The following NDUFC2 variants were observed in gnomAD, a reference collection of about 807,000 sequenced individuals.
NDUFC2 encodes the protein NADH dehydrogenase [ubiquinone] 1 subunit C2.
A neutral mutation model predicts 10.1 loss-of-function variants in NDUFC2; 2 were observed. The ratio of observed to expected loss-of-function variants is 0.20; its 90% CI spans 0.08 to 0.62. The LOEUF (loss-of-function observed/expected upper bound fraction) is 0.62. Ranked by LOEUF, NDUFC2 falls within the 20% of genes least tolerant of loss-of-function variation. NDUFC2 has a pLI of 0.87. For synonymous variants in NDUFC2, 61 were observed against 63.6 expected, an observed-to-expected ratio of 0.96 and a Z score of 0.20; for missense variants, 156 against 159.6, an observed-to-expected ratio of 0.98 and a Z score of 0.12.
Position 78,079,503 on chromosome 11 carries a change from G to T in NDUFC2, c.166+76C>A, listed in dbSNP as rs1859414390. 3 of 1,503,426 alleles carry T rather than the reference G, an allele frequency of 2.0e-6. No homozygotes were observed. In the South Asian group the frequency reaches 3.8e-5, roughly 19 times the overall value. The allele number at this position is 1,503,426 out of a possible 1,614,324, so 93.1% of individuals were successfully genotyped here. The stretch of plus-strand genomic sequence containing the variant: ...GCACGGAAAAGCAGAGCACCTCAGG[G>T]GGGCCTACGGCCGGGCCAGTCTGCA... On this transcript the variant is annotated intron_variant, in intron 1 of 2. Transcript: ENST00000281031.
intron 2 of NDUFC2, 112 bp downstream of exon 2, chr11:78,072,886 T>C (rs747923425): frequency 1.4e-6 from 2 of 1,417,726 alleles, no homozygotes; most frequent in Non-Finnish European, 1.9e-6. Context: ...TAGACTAAGA[T>C]GTGGGAGTCA....
In NDUFC2 at chr11:78,069,325, A is replaced by G. The variant is rs1858886946; in HGVS notation, c.*662T>C. 1 of 153,126 alleles carries G rather than the reference A, an allele frequency of 6.5e-6. No individual in the cohort carries two copies. The highest frequency in any genetic ancestry group is 2.1e-4 in the South Asian group (1 of 4,854). The allele number at this position is 153,126 out of a possible 1,614,324, so 9.5% of individuals were successfully genotyped here. On this transcript the variant is annotated 3_prime_UTR_variant, in exon 3 of 3. Coordinates refer to ENST00000281031, the MANE Select transcript of NDUFC2 (RefSeq NM_004549.6). ...TTTTCTCCAGGATAACCCACCTAAG[A>G]GCAAAGACAACTTGGCAACATAAGA... is the stretch of plus-strand genomic sequence containing the variant.
intron 2 of NDUFC2, 149 bp downstream of exon 2, chr11:78,072,849 A>G: frequency 7.2e-6 from 8 of 1,118,600 alleles, no homozygotes; most frequent in Non-Finnish European, 8.8e-6. Context: ...GAAACTGGAT[A>G]TATTAATTCA....
At chr11:78,073,482 T>C (rs1318639396) in intron 1 of NDUFC2, among the ~76,000 whole-genome samples, 1 of 147,404 alleles carries the variant, frequency 6.8e-6, no homozygotes, top group Non-Finnish European at 1.5e-5. Context: ...ACAAAGCGCC[T>C]GGCCTGTTAT....
Position 78,069,027 on chromosome 11 carries a change from T to C in NDUFC2, c.*960A>G, listed in dbSNP as rs1166220685. On this transcript the variant is annotated 3_prime_UTR_variant, in exon 3 of 3. Transcript: ENST00000281031. ...CCTCAGCCTTATGAGTAGCTGGGAT[T>C]GCAGGAACGTGCCACCACGCCCAGC... is the stretch of plus-strand genomic sequence containing the variant. The C allele has an allele frequency of 6.6e-6, 1 of 152,020 alleles. No individual in the cohort carries two copies. The highest frequency in any genetic ancestry group is 1.5e-5 in the Non-Finnish European group (1 of 68,028). 9.4% of individuals were successfully genotyped at this position (152,020 alleles called of 1,614,324 possible). A position where few individuals can be genotyped will look rare whatever the true frequency, so the allele number is the denominator to read the frequency against.
At position 78,069,969 on chromosome 11, in the gene NDUFC2, G is replaced by C; in HGVS notation, c.*18C>G. The C allele has an allele frequency of 6.2e-7, 1 of 1,612,546 alleles. No individual in the cohort carries two copies. Among genetic ancestry groups the C allele is most frequent in the Non-Finnish European group, 8.5e-7 (1 of 1,179,214 alleles). On this transcript the variant is annotated 3_prime_UTR_variant, in exon 3 of 3. Transcript: ENST00000281031. ...AACAGCAGGTATCAGTGAAACTGGA[G>C]CAAGCATTTTGAAGACTTCAACGTA...
Position 78,072,721 on chromosome 11 carries a change from G to C in NDUFC2, c.310+277C>G, listed in dbSNP as rs1469736455. On this transcript the variant is annotated intron_variant, in intron 2 of 2. Coordinates refer to ENST00000281031, the MANE Select transcript of NDUFC2 (RefSeq NM_004549.6). ...TTGATGATTCTCAGGCTTCTGGCTT[G>C]AGTGTCCAGGTGGACAGTAGTGCCA... 3 of 500,822 alleles carry C rather than the reference G, an allele frequency of 6.0e-6. No homozygotes were observed. The East Asian group carries it at 9.8e-5, about 16-fold the overall frequency. The allele number at this position is 500,822 out of a possible 1,614,324, so 31.0% of individuals were successfully genotyped here.
chr11:78,075,117 TC>T (rs1859190551), intron 1 of NDUFC2, among the ~76,000 whole-genome samples: 1 of 152,198 alleles, frequency 6.6e-6, no homozygotes, highest in African/African-American at 2.4e-5. Context: ...TTGAAGAACA[TC>T]ATAAATTACT....
At chr11:78,074,306 C>T (rs958264087) in intron 1 of NDUFC2, among the ~76,000 whole-genome samples, 2 of 147,836 alleles carry the variant, frequency 1.4e-5, no homozygotes, top group Non-Finnish European at 3.0e-5. Context: ...TTTACTACCT[C>T]TAAAACATAG....
intron 2 of NDUFC2, among the ~76,000 whole-genome samples, chr11:78,071,540 C>T (rs1565330766): frequency 6.6e-6 from 1 of 152,066 alleles, no homozygotes; most frequent in Non-Finnish European, 1.5e-5. Flanking sequence ...TTTAATAAGG[C>T]TATGTGTGCC....
At chr11:78,070,375 C>T (rs540239235) in intron 2 of NDUFC2, among the ~76,000 whole-genome samples, 1 of 152,204 alleles carries the variant, frequency 6.6e-6, no homozygotes, top group South Asian at 2.1e-4. Flanking sequence ...TGTGCTGGTA[C>T]CCTGATCTTG....
chr11:78,073,385 G>T (rs1204842095), intron 1 of NDUFC2, among the ~76,000 whole-genome samples: 1 of 152,134 alleles, frequency 6.6e-6, no homozygotes, highest in Non-Finnish European at 1.5e-5. Flanking sequence ...TCAGCTACTT[G>T]GGAGGCTGAG....
chr11:78,078,169 T>C (rs1379379977), intron 1 of NDUFC2, among the ~76,000 whole-genome samples: 1 of 152,154 alleles, frequency 6.6e-6, no homozygotes, highest in Non-Finnish European at 1.5e-5. Context: ...GCCTGAGCTT[T>C]TTTCCTGATT....
chr11:78,075,711 A>G (rs1859219746), intron 1 of NDUFC2, among the ~76,000 whole-genome samples: 1 of 152,178 alleles, frequency 6.6e-6, no homozygotes, highest in South Asian at 2.1e-4. Context: ...CAGTCTCCCA[A>G]GTAGCTGGGA....
At chr11:78,079,438 A>G (rs1859410736) in intron 1 of NDUFC2, 141 bp downstream of exon 1, 18 of 1,216,764 alleles carry the variant, frequency 1.5e-5, no homozygotes, top group Non-Finnish European at 1.7e-5. Context: ...TGGGGCGCGG[A>G]CTCCCCGGAA....
At chr11:78,077,758 A>C (rs1295113195) in intron 1 of NDUFC2, among the ~76,000 whole-genome samples, 1 of 151,966 alleles carries the variant, frequency 6.6e-6, no homozygotes, top group Non-Finnish European at 1.5e-5. Context: ...GGGTCTCACT[A>C]TGTTGCCCAG....
intron 1 of NDUFC2, among the ~76,000 whole-genome samples, chr11:78,077,877 A>C (rs1238455634): frequency 6.6e-6 from 1 of 152,184 alleles, no homozygotes; most frequent in Non-Finnish European, 1.5e-5. Flanking sequence ...AAGTTTGTTT[A>C]GTTCCAAAGT....
At chr11:78,073,212 C>T in intron 1 of NDUFC2, 71 bp from the exon 2 acceptor site, 2 of 1,604,562 alleles carry the variant, frequency 1.2e-6, no homozygotes, top group African/African-American at 1.3e-5. Context: ...ACATTTTTGG[C>T]TGGACGCAGT....
In NDUFC2 at chr11:78,073,032, A is replaced by G; in HGVS notation, c.276T>C (p.Tyr92=). ...YAVRDREMFG[Y]MKLHPEDFPE... is the part of the protein sequence containing the mutation. The stretch of plus-strand genomic sequence containing the variant: ...GAAAATCCTCTGGATGTAATTTCAT[A>G]TATCCAAACATTTCACGGTCCCTCA... Residue 92 remains tyrosine, a synonymous_variant, in exon 2 of 3, where the codon TAT becomes TAC. Transcript: ENST00000281031. 1 of 1,613,844 alleles carries G rather than the reference A, an allele frequency of 6.2e-7. No individual in the cohort carries two copies. The highest frequency in any genetic ancestry group is 8.5e-7 in the Non-Finnish European group (1 of 1,179,980).
Sources: gnomAD v4.1 joint callset for allele counts (sites outside exome capture counted in the v4.1 genomes callset) on GRCh38, gnomAD v4.1.1 for gene constraint, MANE v1.5 for transcripts, NCBI Gene and HGNC (gene_info 2026-07-23, HGNC 2026-07-21) for gene names.